METAP2: variants seen among roughly 807,000 people sequenced by gnomAD.
METAP2 encodes methionine aminopeptidase 2.
A neutral mutation model predicts 59.4 loss-of-function variants in METAP2; 25 were observed. The ratio of observed to expected loss-of-function variants is 0.42; its 90% CI spans 0.31 to 0.59. The LOEUF (loss-of-function observed/expected upper bound fraction) is 0.59. METAP2 is among the 20% of genes least tolerant of loss of function. The probability of loss-of-function intolerance (pLI) is 0.16; values close to 1 mark genes in which losing one functional copy is unlikely to be tolerated. For synonymous variants in METAP2, 214 were observed against 194.1 expected (o/e 1.10, Z -0.85); for missense variants, 366 against 581.2 (o/e 0.63, Z 3.81).
chr12:95,476,159 A>G lies in METAP2; in HGVS notation c.240A>G (p.Glu80=), dbSNP rs770452136. 10 of 1,603,558 alleles carry G rather than the reference A, an allele frequency of 6.2e-6. No individual in the cohort carries two copies. The highest frequency in any genetic ancestry group is 7.7e-6 in the Non-Finnish European group (9 of 1,172,908). Residue 80 remains glutamate, a synonymous_variant, in exon 2 of 11, where the codon GAA becomes GAG. Transcript: ENST00000323666. ...AAAGATCAGCATTGGAAGATAAAGA[A>G]AGAGATGAAGATGATGAAGGTAAAT... The part of the protein sequence containing the change: ...QLERSALEDK[E]RDEDDEDGDG...
intron 7 of METAP2, among the ~76,000 whole-genome samples, chr12:95,500,107 A>G (rs1250441269): frequency 6.6e-6 from 1 of 151,896 alleles, no homozygotes; most frequent in Non-Finnish European, 1.5e-5. Context: ...TATTCATTGT[A>G]CATGTGTTTT....
At chr12:95,483,853 G>A (rs60883842) in intron 3 of METAP2, among the ~76,000 whole-genome samples, 13,240 of 152,180 alleles carry the variant, frequency 0.087, 812 homozygotes, top group African/African-American at 0.17. Flanking sequence ...TTTAAATTAT[G>A]AGATTCTTGA....
chr12:95,494,352 T>A, intron 5 of METAP2, 135 bp downstream of exon 5: 2 of 863,500 alleles, frequency 2.3e-6, no homozygotes, highest in East Asian at 2.7e-5. Context: ...CCTTCTAGAT[T>A]ATTTTAGTGT....
chr12:95,474,394 C>T (rs2076102232), intron 1 of METAP2, 64 bp downstream of exon 1: 17 of 1,554,236 alleles, frequency 1.1e-5, no homozygotes, highest in East Asian at 2.3e-5. Context: ...GGCTCAGGCC[C>T]GTTGAGGGGG....
At chr12:95,484,617 C>T (rs2076182279) in intron 3 of METAP2, among the ~76,000 whole-genome samples, 1 of 151,996 alleles carries the variant, frequency 6.6e-6, no homozygotes, top group South Asian at 2.1e-4. Flanking sequence ...ATTCTTCTGA[C>T]AGATGTTTTA....
At chr12:95,475,492 C>T (rs1425479553) in intron 1 of METAP2, among the ~76,000 whole-genome samples, 5 of 152,194 alleles carry the variant, frequency 3.3e-5, no homozygotes, top group African/African-American at 1.2e-4. Context: ...CAGAATGTCA[C>T]TTCATTTCGT....
At chr12:95,481,353 G>A (rs555411522) in intron 2 of METAP2, among the ~76,000 whole-genome samples, 1 of 152,322 alleles carries the variant, frequency 6.6e-6, no homozygotes, top group Admixed American at 6.5e-5. Flanking sequence ...TGAGGCTGCA[G>A]TGAGCTGTGA....
chr12:95,497,237 T>G (rs2076282167), intron 7 of METAP2, among the ~76,000 whole-genome samples: 1 of 152,222 alleles, frequency 6.6e-6, no homozygotes. Context: ...TCTATACTCA[T>G]TAAACAGTAA....
Sources: gnomAD v4.1 joint callset for allele counts (sites outside exome capture counted in the v4.1 genomes callset) on GRCh38, gnomAD v4.1.1 for gene constraint, MANE v1.5 for transcripts, NCBI Gene and HGNC (gene_info 2026-07-23, HGNC 2026-07-21) for gene names.